TM4SF4: variants seen among roughly 807,000 people sequenced by gnomAD.
TM4SF4 encodes the protein transmembrane 4 L six family member 4.
A neutral mutation model predicts 24.1 loss-of-function variants in TM4SF4; 24 were observed. That is an observed-to-expected ratio of 1.00 (90% CI 0.72 to 1.40). The LOEUF (loss-of-function observed/expected upper bound fraction) is 1.40, where lower values mean the gene tolerates loss of function less well. TM4SF4 is among the 40% of genes most tolerant of loss of function. The pLI, the probability that TM4SF4 is intolerant of heterozygous loss-of-function variation, is 0.00. For synonymous variants in TM4SF4, 113 were observed against 97.0 expected (o/e 1.17, Z -0.97); for missense variants, 254 against 254.2 (o/e 1.00, Z 0.01).
chr3:149,502,788 GCTTC>G lies in TM4SF4; in HGVS notation c.*98_*101del. 3.4e-6 allele frequency: 3 copies of G among 888,730 alleles called. No individual in the cohort carries two copies. The highest frequency in any genetic ancestry group is 3.7e-6 in the Non-Finnish European group (2 of 547,072). 55.1% of individuals were successfully genotyped at this position (888,730 alleles called of 1,614,324 possible). A position where few individuals can be genotyped will look rare whatever the true frequency, so the allele number is the denominator to read the frequency against. Reference sequence around the variant, plus strand: ...TTCTTGGAATTATTAATTCCTATCTGCTTCCTAGCTGATAAAGCTTAGAAAAGGC... The same window carrying G: ...TTCTTGGAATTATTAATTCCTATCTGCTAGCTGATAAAGCTTAGAAAAGGC... On this transcript the variant is annotated 3_prime_UTR_variant, in exon 5 of 5. Coordinates refer to ENST00000305354, the MANE Select transcript of TM4SF4 (RefSeq NM_004617.4).
At chr3:149,488,779 C>T (rs1734163443) in intron 3 of TM4SF4, among the ~76,000 whole-genome samples, 1 of 152,168 alleles carries the variant, frequency 6.6e-6, no homozygotes, top group South Asian at 2.1e-4. Flanking sequence ...TTCACCGTCT[C>T]AGCCCCTCTG....
At chr3:149,480,715 T>C (rs1249133990) in intron 2 of TM4SF4, among the ~76,000 whole-genome samples, 1 of 152,146 alleles carries the variant, frequency 6.6e-6, no homozygotes, top group Non-Finnish European at 1.5e-5. Flanking sequence ...TGAGGAATAT[T>C]TTAGAAAGAC....
chr3:149,500,009 T>C (rs1346084204), intron 4 of TM4SF4, among the ~76,000 whole-genome samples: 1 of 152,224 alleles, frequency 6.6e-6, no homozygotes, highest in Admixed American at 6.5e-5. Flanking sequence ...CTCCGGCCTT[T>C]GTCTTCTATC....
intron 2 of TM4SF4, among the ~76,000 whole-genome samples, chr3:149,486,376 G>C (rs1409233901): frequency 6.6e-6 from 1 of 152,200 alleles, no homozygotes; most frequent in Admixed American, 6.5e-5. Flanking sequence ...ATATGAGCCT[G>C]GGTCTGGGTC....
At chr3:149,499,746 A>G (rs934303767) in intron 4 of TM4SF4, among the ~76,000 whole-genome samples, 1 of 152,192 alleles carries the variant, frequency 6.6e-6, no homozygotes, top group African/African-American at 2.4e-5. Flanking sequence ...ATAGTGGCAC[A>G]TGCCTGTAGC....
intron 3 of TM4SF4, among the ~76,000 whole-genome samples, chr3:149,492,985 T>C (rs1734240480): frequency 6.6e-6 from 1 of 152,144 alleles, no homozygotes; most frequent in Admixed American, 6.5e-5. Context: ...CCATATACCA[T>C]TTATCTCTCA....
At chr3:149,495,455 C>A (rs1039549566) in intron 3 of TM4SF4, 10 of 413,682 alleles carry the variant, frequency 2.4e-5, no homozygotes, top group Non-Finnish European at 4.8e-5. Flanking sequence ...GTTCTCAAAC[C>A]CAGCATGGTG....
chr3:149,495,151 A>C (rs1734288082), intron 3 of TM4SF4: 1 of 232,454 alleles, frequency 4.3e-6, no homozygotes, highest in Non-Finnish European at 8.7e-6. Context: ...TGAGAAAATC[A>C]TTAAGAAAGT....
At chr3:149,476,838 G>A (rs1314355282) in intron 2 of TM4SF4, among the ~76,000 whole-genome samples, 1 of 116,958 alleles carries the variant, frequency 8.6e-6, no homozygotes, top group Non-Finnish European at 1.7e-5. Context: ...TTTTGAGACA[G>A]GGTCTCACTC....
chr3:149,480,604 A>G (rs942263336), intron 2 of TM4SF4, among the ~76,000 whole-genome samples: 1 of 151,852 alleles, frequency 6.6e-6, no homozygotes, highest in Non-Finnish European at 1.5e-5. Flanking sequence ...CCCTAGAGAC[A>G]CCTCCTGAGT....
chr3:149,492,617 G>A (rs1734231673), intron 3 of TM4SF4, among the ~76,000 whole-genome samples: 1 of 151,938 alleles, frequency 6.6e-6, no homozygotes, highest in Admixed American at 6.6e-5. Context: ...GGGAGGGACG[G>A]GGCTATGCAT....
intron 3 of TM4SF4, among the ~76,000 whole-genome samples, chr3:149,492,226 G>A (rs1220329459): frequency 6.6e-6 from 1 of 152,114 alleles, no homozygotes; most frequent in African/African-American, 2.4e-5. Context: ...AAAAGAGGAA[G>A]GTAATCAAGG....
At position 149,502,752 on chromosome 3, in the gene TM4SF4, A is replaced by G. The variant is rs1025005105; in HGVS notation, c.*59A>G. 9.2e-6 allele frequency: 12 copies of G among 1,299,204 alleles called. No individual in the cohort carries two copies. The highest frequency in any genetic ancestry group is 7.0e-5 in the Admixed American group (4 of 57,486). The allele number at this position is 1,299,204 out of a possible 1,614,324, so 80.5% of individuals were successfully genotyped here. A position where few individuals can be genotyped will look rare whatever the true frequency, so the allele number is the denominator to read the frequency against. ...TGACGACTACAATTTCTTTTCATAA[A>G]ACTTCTTCTCTTCTTGGAATTATTA... On this transcript the variant is annotated 3_prime_UTR_variant, in exon 5 of 5. Coordinates refer to ENST00000305354, the MANE Select transcript of TM4SF4 (RefSeq NM_004617.4).
At position 149,498,779 on chromosome 3, in the gene TM4SF4, T is replaced by C. The variant is rs762327073; in HGVS notation, c.459T>C (p.Val153=). 36 of 1,614,028 alleles carry C rather than the reference T, an allele frequency of 2.2e-5. No individual in the cohort carries two copies. The highest frequency in any genetic ancestry group is 2.5e-5 in the Non-Finnish European group (29 of 1,179,882). Residue 153 remains valine (V), a synonymous_variant, in exon 4 of 5, where the codon GTT becomes GTC. Coordinates refer to ENST00000305354, the MANE Select transcript of TM4SF4 (RefSeq NM_004617.4). ...AGTGCCGAGAGCCTCTCAATGTGGT[T>C]CCCTGGAATCTGACCCTCTTCTCCA... ...WNKCREPLNV[V]PWNLTLFSIL...
intron 3 of TM4SF4, among the ~76,000 whole-genome samples, chr3:149,489,300 C>G (rs941761267): frequency 6.6e-6 from 1 of 152,196 alleles, no homozygotes; most frequent in African/African-American, 2.4e-5. Context: ...TGTGAAGCTA[C>G]AGATTATGTC....
At chr3:149,487,517 A>G in intron 2 of TM4SF4, 102 bp from the exon 3 acceptor site, 1 of 1,442,990 alleles carries the variant, frequency 6.9e-7, no homozygotes, top group Non-Finnish European at 9.6e-7. Context: ...CTACTCCATA[A>G]CTTCTTGTAG....
chr3:149,491,295 C>CAAAAAAAAAAAAAAAAAA (rs34935957), intron 3 of TM4SF4, among the ~76,000 whole-genome samples: 5 of 125,710 alleles, frequency 4.0e-5, no homozygotes, highest in African/African-American at 5.5e-5. Context: ...CGCCCCTCTA[C>CAAAAAAAAAAAAAAAAAA]AAAAAAAAAA....
At chr3:149,501,996 C>T (rs182522538) in intron 4 of TM4SF4, among the ~76,000 whole-genome samples, 30 of 152,304 alleles carry the variant, frequency 2.0e-4, no homozygotes, top group Admixed American at 3.9e-4. Flanking sequence ...CCTACTCCTA[C>T]GGTTGTCAAT....
intron 2 of TM4SF4, among the ~76,000 whole-genome samples, chr3:149,482,717 T>C (rs1560029801): frequency 1.3e-5 from 2 of 152,158 alleles, no homozygotes; most frequent in Non-Finnish European, 2.9e-5. Context: ...CTAATTTTTG[T>C]ATTTCTTGTA....
Sources: gnomAD v4.1 joint callset for allele counts (sites outside exome capture counted in the v4.1 genomes callset) on GRCh38, gnomAD v4.1.1 for gene constraint, MANE v1.5 for transcripts, NCBI Gene and HGNC (gene_info 2026-07-23, HGNC 2026-07-21) for gene names.